SMG6: variants seen among roughly 807,000 people sequenced by gnomAD.
SMG6 encodes SMG6 nonsense mediated mRNA decay factor.
SMG6 carries 66 observed loss-of-function variants against 142.2 expected under a neutral mutation model. The observed-to-expected ratio is 0.46, with a 90% CI of 0.38 to 0.57. SMG6 has a LOEUF of 0.57. Among genes scored for constraint, SMG6 ranks in the 20% least tolerant of loss-of-function variants. The probability of loss-of-function intolerance (pLI) is 0.00; values close to 1 mark genes in which losing one functional copy is unlikely to be tolerated. For missense variants in SMG6, 1,793 were observed against 1,832.0 expected (o/e 0.98, Z 0.39); for synonymous variants, 779 against 702.4 (o/e 1.11, Z -1.72).
chr17:2,151,555 T>G, intron 13 of SMG6, among the ~76,000 whole-genome samples: 1 of 152,200 alleles, frequency 6.6e-6, no homozygotes, highest in South Asian at 2.1e-4. Flanking sequence ...AAGGCAGGCC[T>G]CCTCTGACCA....
intron 8 of SMG6, among the ~76,000 whole-genome samples, chr17:2,280,332 G>A (rs1187236776): frequency 2.0e-5 from 3 of 151,740 alleles, no homozygotes; most frequent in African/African-American, 2.4e-5. Flanking sequence ...GCACGATCTC[G>A]GCTCACTGCA....
chr17:2,151,308 TAC>T (rs1218389066), intron 13 of SMG6, among the ~76,000 whole-genome samples: 3 of 152,262 alleles, frequency 2.0e-5, no homozygotes, highest in Non-Finnish European at 2.9e-5. Flanking sequence ...TATTCCACAT[TAC>T]AGTTTTATAT....
chr17:2,248,582 A>G (rs1425620062), intron 8 of SMG6, among the ~76,000 whole-genome samples: 2 of 152,180 alleles, frequency 1.3e-5, no homozygotes, highest in Non-Finnish European at 2.9e-5. Context: ...ATTTCAATGC[A>G]TTACTTTTCA....
chr17:2,262,481 G>A (rs183152580), intron 8 of SMG6, among the ~76,000 whole-genome samples: 130 of 152,294 alleles, frequency 8.5e-4, no homozygotes, highest in Admixed American at 1.7e-3. Flanking sequence ...CAGAATCTTG[G>A]CTGGGAATCT....
intron 13 of SMG6, among the ~76,000 whole-genome samples, chr17:2,129,731 T>C (rs916756843): frequency 7.7e-6 from 1 of 129,222 alleles, no homozygotes; most frequent in Non-Finnish European, 1.6e-5. Context: ...GAGGTGGAGG[T>C]TGCAATGAGC....
At chr17:2,163,207 G>C (rs551586550) in intron 13 of SMG6, among the ~76,000 whole-genome samples, 1 of 152,018 alleles carries the variant, frequency 6.6e-6, no homozygotes, top group East Asian at 1.9e-4. Context: ...TTATTTTTTA[G>C]ACAGGGTCTT....
At chr17:2,222,248 T>C (rs946273282) in intron 10 of SMG6, among the ~76,000 whole-genome samples, 74 of 151,634 alleles carry the variant, frequency 4.9e-4, no homozygotes, top group African/African-American at 1.7e-3. Context: ...AATAAATCAA[T>C]AGAATTGGAA....
At chr17:2,245,707 G>T (rs1290834442) in intron 8 of SMG6, among the ~76,000 whole-genome samples, 1 of 151,824 alleles carries the variant, frequency 6.6e-6, no homozygotes, top group Non-Finnish European at 1.5e-5. Context: ...TTGAGACAGG[G>T]TCTCACTCTG....
chr17:2,076,600 C>T (rs755133846), intron 15 of SMG6, among the ~76,000 whole-genome samples: 24 of 152,176 alleles, frequency 1.6e-4, no homozygotes, highest in Admixed American at 7.2e-4. Flanking sequence ...GCACAGACTC[C>T]AGGGTTCACG....
chr17:2,268,678 G>A (rs778869324), intron 8 of SMG6, among the ~76,000 whole-genome samples: 6 of 152,242 alleles, frequency 3.9e-5, no homozygotes, highest in South Asian at 2.1e-4. Context: ...TCGGGAGGCC[G>A]AGGTGGGCGG....
chr17:2,210,243 A>G (rs1192453262), intron 10 of SMG6, among the ~76,000 whole-genome samples: 2 of 151,438 alleles, frequency 1.3e-5, no homozygotes, highest in Non-Finnish European at 2.9e-5. Context: ...CCTGGGGGGA[A>G]CTTGACAAGT....
At chr17:2,210,763 AAAAAATAAAAT>A (rs1028908293) in intron 10 of SMG6, among the ~76,000 whole-genome samples, 8 of 150,990 alleles carry the variant, frequency 5.3e-5, no homozygotes, top group African/African-American at 9.8e-5. Flanking sequence ...AAGCTTTAAA[AAAAAATAAAAT>A]AAAAAAAAAA....
chr17:2,065,631 C>G lies in SMG6; in HGVS notation c.3884G>C (p.Arg1295Pro). 1 of 1,613,946 alleles carries G rather than the reference C, an allele frequency of 6.2e-7. No individual in the cohort carries two copies. The highest frequency in any genetic ancestry group is 8.5e-7 in the Non-Finnish European group (1 of 1,180,034). The stretch of plus-strand genomic sequence containing the variant: ...TACCACACGGGCGTAGCCCCCAGCC[C>G]GGTGGTCTGTCTCCTGCCCCTTGGC... ...GLAKGQETDH[R>P]AGGYARVVQE... is the part of the protein sequence containing the mutation. Residue 1295 changes from arginine (R) to proline (P), a missense_variant, in exon 17 of 19, where the codon CGG becomes CCG. Arg to Pro is a moderately radical substitution (Grantham distance 103). Transcript: ENST00000263073.
intron 15 of SMG6, 86 bp downstream of exon 15, chr17:2,081,724 G>C: frequency 6.7e-7 from 1 of 1,490,096 alleles, no homozygotes; most frequent in East Asian, 2.3e-5. Context: ...TTAGTGTCCT[G>C]CTCAGCTCTG....
At chr17:2,115,324 A>C (rs1022206107) in intron 13 of SMG6, among the ~76,000 whole-genome samples, 5 of 152,190 alleles carry the variant, frequency 3.3e-5, no homozygotes, top group Admixed American at 6.5e-5. Flanking sequence ...GGCCCTAGTA[A>C]GGATGAAAAA....
At chr17:2,281,615 C>T (rs1051329132) in intron 8 of SMG6, among the ~76,000 whole-genome samples, 1 of 152,212 alleles carries the variant, frequency 6.6e-6, no homozygotes, top group Non-Finnish European at 1.5e-5. Context: ...TCTTACTCTT[C>T]TCCAAACATT....
intron 13 of SMG6, among the ~76,000 whole-genome samples, chr17:2,144,383 T>C (rs941405462): frequency 6.6e-6 from 1 of 151,882 alleles, no homozygotes; most frequent in East Asian, 1.9e-4. Context: ...TTTTAAATCT[T>C]TTTGTAGAGA....
intron 10 of SMG6, among the ~76,000 whole-genome samples, chr17:2,191,257 G>A (rs2072152897): frequency 6.6e-6 from 1 of 152,156 alleles, no homozygotes. Context: ...GCTTCCACAG[G>A]CTAGAAACCG....
chr17:2,265,514 A>G (rs1016370126), intron 8 of SMG6, among the ~76,000 whole-genome samples: 2 of 152,184 alleles, frequency 1.3e-5, no homozygotes, highest in Admixed American at 6.5e-5. Flanking sequence ...CCTCTCAAAA[A>G]AAAAAAACTG....
Sources: allele counts gnomAD v4.1 joint callset (sites outside exome capture counted in the v4.1 genomes callset), GRCh38; gene constraint gnomAD v4.1.1; transcripts MANE v1.5; gene names NCBI Gene and HGNC (gene_info 2026-07-23, HGNC 2026-07-21).